BIRC6: variants seen among roughly 807,000 people sequenced by gnomAD.
BIRC6 encodes dual E2 ubiquitin-conjugating enzyme/E3 ubiquitin-protein ligase BIRC6.
BIRC6 carries 98 observed loss-of-function variants against 503.3 expected under a neutral mutation model. The ratio of observed to expected loss-of-function variants is 0.19; its 90% CI spans 0.17 to 0.23. The LOEUF is 0.23. Ranked by LOEUF, BIRC6 falls within the 10% of genes least tolerant of loss-of-function variation. The pLI is 1.00. For synonymous variants in BIRC6, 2,240 were observed against 2,078.7 expected (o/e 1.08, Z -2.11); for missense variants, 5,360 against 5,806.0 (o/e 0.92, Z 2.50).
At position 32,469,612 on chromosome 2, in the gene BIRC6, T is replaced by C. The variant is rs1420568258; in HGVS notation, c.6345T>C (p.Asp2115=). 6.2e-7 allele frequency: 1 copy of C among 1,603,396 alleles called. No individual in the cohort carries two copies. The highest frequency in any genetic ancestry group is 8.5e-7 in the Non-Finnish European group (1 of 1,174,152). ...AACAGCTTCTCATCTTTCCACAGGA[T>C]AGGTAGGTCAGAAAATGTTGGAGGT... ...NSEQLLIFPQ[D]RVFMLLSCIG... is the part of the protein sequence containing the mutation. Residue 2115 remains aspartate (D), a splice_region_variant and synonymous_variant, in exon 30 of 74, where the codon GAT becomes GAC. Transcript: ENST00000421745.
intron 9 of BIRC6, among the ~76,000 whole-genome samples, chr2:32,412,005 G>A (rs948059184): frequency 6.6e-6 from 1 of 151,878 alleles, no homozygotes; most frequent in African/African-American, 2.4e-5. Flanking sequence ...GTCTTGAACG[G>A]AACTCCTAAT....
chr2:32,494,140 T>C (rs569972889), intron 45 of BIRC6, among the ~76,000 whole-genome samples: 110 of 152,326 alleles, frequency 7.2e-4, no homozygotes, highest in Non-Finnish European at 1.4e-3. Context: ...TTGATTATTA[T>C]AATGCATGAA....
At chr2:32,440,957 C>T (rs1303631370) in intron 16 of BIRC6, among the ~76,000 whole-genome samples, 3 of 151,880 alleles carry the variant, frequency 2.0e-5, no homozygotes, top group Non-Finnish European at 4.4e-5. Flanking sequence ...GATAGGGTTT[C>T]ACTGTGTTGG....
intron 61 of BIRC6, among the ~76,000 whole-genome samples, chr2:32,535,121 C>T (rs2057109980): frequency 1.7e-5 from 1 of 58,848 alleles, no homozygotes; most frequent in Non-Finnish European, 3.0e-5. Context: ...ACCTGGGCAA[C>T]ATAACAAGAC....
chr2:32,508,167 T>A lies in BIRC6; in HGVS notation c.9888T>A (p.Ile3296=). ...RDASTLGLSQ[I]KLLGLTAFGT... ...CCAGCACATTAGGCCTTTCACAAAT[T>A]AAATTATTGGGGCTCACTGCTTTTG... Residue 3296 remains isoleucine (I), a synonymous_variant, in exon 51 of 74, where the codon ATT becomes ATA. Transcript: ENST00000421745. 1 of 1,613,740 alleles carries A rather than the reference T, an allele frequency of 6.2e-7. No homozygotes were observed. Among genetic ancestry groups the A allele is most frequent in the Non-Finnish European group, 8.5e-7 (1 of 1,179,850 alleles).
At position 32,431,098 on chromosome 2, in the gene BIRC6, A is replaced by G. The variant is rs757734235; in HGVS notation, c.3248+8A>G. On this transcript the variant is annotated splice_region_variant and intron_variant, in intron 12 of 73. Coordinates refer to ENST00000421745, the MANE Select transcript of BIRC6 (RefSeq NM_016252.4). ...GAAACTACAGACCGACAGGTAAAAG[A>G]TATTCCCAAGATAATTAATTTTAAG... is the stretch of plus-strand genomic sequence containing the variant. 6.3e-6 allele frequency: 10 copies of G among 1,576,286 alleles called. No homozygotes were observed. Among genetic ancestry groups the G allele is most frequent in the Non-Finnish European group, 7.8e-6 (9 of 1,152,104 alleles).
At chr2:32,605,913 T>C (rs2062418078) in intron 71 of BIRC6, among the ~76,000 whole-genome samples, 1 of 152,158 alleles carries the variant, frequency 6.6e-6, no homozygotes, top group Admixed American at 6.5e-5. Flanking sequence ...AGAAATAATA[T>C]GAATTAAAGT....
chr2:32,609,749 CAAA>C (rs11336710), intron 72 of BIRC6, among the ~76,000 whole-genome samples: 21 of 115,516 alleles, frequency 1.8e-4, no homozygotes, highest in East Asian at 3.0e-4. Flanking sequence ...GACTCTGTCT[CAAA>C]AAAAAAAAAA....
chr2:32,521,365 C>CGG (rs1280532320), intron 57 of BIRC6, among the ~76,000 whole-genome samples: 2 of 21,506 alleles, frequency 9.3e-5, no homozygotes, highest in African/African-American at 3.1e-4. Flanking sequence ...GACCTCATCT[C>CGG]AAAAAAAAAA....
intron 61 of BIRC6, among the ~76,000 whole-genome samples, chr2:32,535,071 C>G (rs1422033660): frequency 7.3e-6 from 1 of 137,842 alleles, no homozygotes; most frequent in African/African-American, 2.7e-5. Context: ...ACTCAGGAGA[C>G]TGAAGCGGGA....
chr2:32,544,177 G>A (rs752370134), intron 62 of BIRC6, among the ~76,000 whole-genome samples: 13 of 152,154 alleles, frequency 8.5e-5, no homozygotes, highest in African/African-American at 2.6e-4. Flanking sequence ...TGGAAAAAAC[G>A]TACTAAAAAC....
chr2:32,376,681 T>C (rs2036835730), intron 1 of BIRC6, among the ~76,000 whole-genome samples: 1 of 152,230 alleles, frequency 6.6e-6, no homozygotes, highest in Admixed American at 6.5e-5. Flanking sequence ...AATTTATGTA[T>C]GAGTGGTCTC....
intron 1 of BIRC6, among the ~76,000 whole-genome samples, chr2:32,362,818 T>G (rs2034330313): frequency 6.6e-6 from 1 of 152,172 alleles, no homozygotes; most frequent in Admixed American, 6.5e-5. Context: ...TTCATCCCAT[T>G]ACACAGAATT....
chr2:32,376,900 T>C (rs2036869500), intron 1 of BIRC6, among the ~76,000 whole-genome samples: 1 of 152,192 alleles, frequency 6.6e-6, no homozygotes, highest in Non-Finnish European at 1.5e-5. Flanking sequence ...GAAAATATCT[T>C]ATTGTACCAT....
chr2:32,521,295 G>A (rs1369775088), intron 57 of BIRC6, among the ~76,000 whole-genome samples: 1 of 130,164 alleles, frequency 7.7e-6, no homozygotes, highest in Non-Finnish European at 1.6e-5. Flanking sequence ...TGTTTGAGAT[G>A]GAGTCTTTCT....
chr2:32,515,662 T>C lies in BIRC6; in HGVS notation c.11241T>C (p.Ala3747=), dbSNP rs1245404249. 1.9e-6 allele frequency: 3 copies of C among 1,609,444 alleles called. No homozygotes were observed. Among genetic ancestry groups the C allele is most frequent in the Non-Finnish European group, 2.5e-6 (3 of 1,179,874 alleles). ...GATCAGCTTCTCTTTCTTCAGCTGC[T>C]ACAACAGGACTGACTACTCAACAGC... The part of the protein sequence containing the change: ...SARSASLSSA[A]TTGLTTQQRT... The change falls in exon 55 of 74, where the codon GCT becomes GCC. Residue 3747 remains alanine, a synonymous_variant. Coordinates refer to ENST00000421745, the MANE Select transcript of BIRC6 (RefSeq NM_016252.4).
At chr2:32,603,455 G>A (rs1288937505) in intron 71 of BIRC6, among the ~76,000 whole-genome samples, 4 of 152,136 alleles carry the variant, frequency 2.6e-5, no homozygotes, top group Admixed American at 2.0e-4. Flanking sequence ...GGGCACAGGT[G>A]TGTTGGCACA....
intron 65 of BIRC6, among the ~76,000 whole-genome samples, chr2:32,554,966 AT>A (rs1400909954): frequency 1.3e-5 from 2 of 152,134 alleles, no homozygotes; most frequent in Non-Finnish European, 2.9e-5. Context: ...GGCTCTCCAA[AT>A]TAAAAAGGAC....
Position 32,390,961 on chromosome 2 carries a change from A to G in BIRC6, c.840-1078A>G, listed in dbSNP as rs539431541. On this transcript the variant is annotated intron_variant, in intron 4 of 73. Coordinates refer to ENST00000421745, the MANE Select transcript of BIRC6 (RefSeq NM_016252.4). ...GGCAACATGCAGACTATCATTTTTA[A>G]TCAGATTATCTGGTGATATGTGCTA... 5.3e-5 allele frequency among the ~76,000 whole-genome samples: 8 copies of G among 152,356 alleles called. No homozygotes were observed. In the South Asian group the frequency reaches 1.7e-3, roughly 32 times the overall value.
Sources: allele counts gnomAD v4.1 joint callset (sites outside exome capture counted in the v4.1 genomes callset), GRCh38; gene constraint gnomAD v4.1.1; transcripts MANE v1.5; gene names NCBI Gene and HGNC (gene_info 2026-07-23, HGNC 2026-07-21).